PIP5K1B: variants seen among roughly 807,000 people sequenced by gnomAD.
The protein encoded by PIP5K1B is phosphatidylinositol-4-phosphate 5-kinase type 1 beta.
Under a neutral mutation model 67.0 loss-of-function variants are expected in PIP5K1B, and 42 were observed. The ratio of observed to expected loss-of-function variants is 0.63; its 90% confidence interval spans 0.49 to 0.81. PIP5K1B has a LOEUF of 0.81. PIP5K1B is among the 30% of genes least tolerant of loss of function. The probability of loss-of-function intolerance (pLI) is 0.00; values close to 1 mark genes in which losing one functional copy is unlikely to be tolerated. For missense variants in PIP5K1B, 459 were observed against 646.3 expected (o/e 0.71, Z 3.14); for synonymous variants, 214 against 231.4 (o/e 0.92, Z 0.68).
chr9:68,928,978 C>T (rs939400908), intron 12 of PIP5K1B, among the ~76,000 whole-genome samples: 2 of 152,174 alleles, frequency 1.3e-5, no homozygotes, highest in African/African-American at 4.8e-5. Context: ...GCCTGACCAA[C>T]GTGGTGAAAC....
At chr9:68,996,507 G>A (rs1830606759) in intron 15 of PIP5K1B, among the ~76,000 whole-genome samples, 1 of 152,070 alleles carries the variant, frequency 6.6e-6, no homozygotes, top group Non-Finnish European at 1.5e-5. Context: ...CACAGATTAG[G>A]GTATTTAAAA....
chr9:68,968,008 G>C (rs755706347), intron 14 of PIP5K1B, among the ~76,000 whole-genome samples: 1 of 152,122 alleles, frequency 6.6e-6, no homozygotes, highest in Non-Finnish European at 1.5e-5. Flanking sequence ...TGGGCAAAAA[G>C]TTCACTATAA....
intron 14 of PIP5K1B, among the ~76,000 whole-genome samples, chr9:68,952,850 CCTTCCTTTCTTTCTTT>C (rs1037127579): frequency 2.0e-5 from 3 of 148,032 alleles, no homozygotes; most frequent in African/African-American, 7.4e-5. Flanking sequence ...TTCCTTTCTT[CCTTCCTTTCTTTCTTT>C]CTTCCTATTA....
chr9:68,829,060 C>G (rs1048700026), intron 4 of PIP5K1B, among the ~76,000 whole-genome samples: 1 of 152,220 alleles, frequency 6.6e-6, no homozygotes, highest in Non-Finnish European at 1.5e-5. Flanking sequence ...CGAGATCACG[C>G]CACTGCACTC....
intron 2 of PIP5K1B, among the ~76,000 whole-genome samples, chr9:68,792,854 T>C (rs1832059377): frequency 6.6e-6 from 1 of 152,208 alleles, no homozygotes; most frequent in African/African-American, 2.4e-5. Flanking sequence ...GAGCCCTTTA[T>C]AGTTTGCTGA....
At chr9:68,870,410 C>A (rs1305787850) in intron 5 of PIP5K1B, among the ~76,000 whole-genome samples, 2 of 152,176 alleles carry the variant, frequency 1.3e-5, no homozygotes, top group African/African-American at 4.8e-5. Context: ...TTGGCACCAG[C>A]AAGGAATGTG....
chr9:68,716,727 T>C (rs1827651695), intron 1 of PIP5K1B, among the ~76,000 whole-genome samples: 2 of 152,180 alleles, frequency 1.3e-5, no homozygotes, highest in Non-Finnish European at 2.9e-5. Flanking sequence ...AACCCAGCAA[T>C]CCCATTACTG....
At chr9:68,916,127 G>C (rs1156319042) in intron 8 of PIP5K1B, among the ~76,000 whole-genome samples, 1 of 152,216 alleles carries the variant, frequency 6.6e-6, no homozygotes, top group Non-Finnish European at 1.5e-5. Context: ...TATAGGAACA[G>C]CTTCTCATGT....
rs547795305 is a variant in PIP5K1B, at chr9:69,007,658, C to T, written c.1621-789C>T. ...GGATCACTAGGTCAGGAGTTCAAGA[C>T]CATCCTGGCTAACACAGTGAAACCC... is the stretch of plus-strand genomic sequence containing the variant. On this transcript the variant is annotated intron_variant, in intron 15 of 15. Transcript: ENST00000265382. Among the ~76,000 whole-genome samples, 374 of 152,290 alleles carry T rather than the reference C, an allele frequency of 2.5e-3. 3 individuals carry two copies. Among genetic ancestry groups the T allele is most frequent in the African/African-American group, 8.9e-3 (369 of 41,558 alleles).
intron 2 of PIP5K1B, chr9:68,782,931 C>T (rs1831382302): frequency 6.0e-6 from 1 of 167,054 alleles, no homozygotes; most frequent in African/African-American, 2.4e-5. Context: ...TTCCTTTTCT[C>T]TGTTGGATTA....
intron 2 of PIP5K1B, among the ~76,000 whole-genome samples, chr9:68,812,886 G>T (rs907434733): frequency 1.3e-5 from 2 of 152,022 alleles, no homozygotes; most frequent in South Asian, 4.1e-4. Context: ...GAAGATGAAT[G>T]AAAAAAGGCA....
chr9:68,746,996 G>A (rs1311371643), intron 2 of PIP5K1B, among the ~76,000 whole-genome samples: 3 of 152,018 alleles, frequency 2.0e-5, no homozygotes, highest in South Asian at 2.1e-4. Flanking sequence ...CTATGGGAAT[G>A]TCTTTCTCCT....
intron 14 of PIP5K1B, among the ~76,000 whole-genome samples, chr9:68,981,608 CTG>C (rs1027264146): frequency 2.0e-5 from 3 of 152,084 alleles, no homozygotes; most frequent in Admixed American, 6.6e-5. Context: ...AAGACAAAAA[CTG>C]TGGATAGTAC....
At chr9:68,828,830 G>T (rs1002141265) in intron 4 of PIP5K1B, among the ~76,000 whole-genome samples, 1 of 152,152 alleles carries the variant, frequency 6.6e-6, no homozygotes, top group Admixed American at 6.5e-5. Context: ...GGCTGGGCAC[G>T]GTGGATTATG....
intron 8 of PIP5K1B, among the ~76,000 whole-genome samples, chr9:68,912,491 A>G (rs1415677035): frequency 6.6e-6 from 1 of 152,218 alleles, no homozygotes; most frequent in African/African-American, 2.4e-5. Context: ...TCGATTCTGC[A>G]GGTGGAGGAA....
chr9:68,918,241 C>A (rs1826200354), intron 9 of PIP5K1B, among the ~76,000 whole-genome samples: 1 of 151,886 alleles, frequency 6.6e-6, no homozygotes, highest in South Asian at 2.1e-4. Flanking sequence ...AAACATGCAC[C>A]ACTACACCTG....
At chr9:68,766,540 G>A (rs1322971744) in intron 2 of PIP5K1B, among the ~76,000 whole-genome samples, 2 of 152,142 alleles carry the variant, frequency 1.3e-5, no homozygotes, top group Admixed American at 1.3e-4. Context: ...TACTGATATG[G>A]AAAAAGTGTT....
intron 8 of PIP5K1B, 44 bp downstream of exon 8, chr9:68,894,682 C>T (rs768634167): frequency 1.3e-6 from 2 of 1,554,020 alleles, no homozygotes; most frequent in East Asian, 2.2e-5. Context: ...ACTCTGTGCT[C>T]ATGTAAACTG....
chr9:68,816,249 C>T (rs1833440834), intron 2 of PIP5K1B, among the ~76,000 whole-genome samples: 1 of 152,126 alleles, frequency 6.6e-6, no homozygotes, highest in African/African-American at 2.4e-5. Context: ...CTGCCTCAGC[C>T]TCCCGAGTAG....
Sources: allele counts gnomAD v4.1 joint callset (sites outside exome capture counted in the v4.1 genomes callset), GRCh38; gene constraint gnomAD v4.1.1; transcripts MANE v1.5; gene names NCBI Gene and HGNC (gene_info 2026-07-23, HGNC 2026-07-21).